MCTP1: variants seen among roughly 807,000 people sequenced by gnomAD.
MCTP1 encodes the protein multiple C2 and transmembrane domain containing 1, also known as multiple C2 and transmembrane domain-containing protein 1.
A neutral mutation model predicts 120.6 loss-of-function variants in MCTP1; 69 were observed. The observed-to-expected ratio is 0.57, with a 90% CI of 0.47 to 0.70. The LOEUF (loss-of-function observed/expected upper bound fraction) is 0.70. Among genes scored for constraint, MCTP1 ranks in the 30% least tolerant of loss-of-function variants. The pLI, the probability that MCTP1 is intolerant of heterozygous loss-of-function variation, is 0.00. For missense variants in MCTP1, 1,203 were observed against 1,248.8 expected, an observed-to-expected ratio of 0.96 and a Z score of 0.55; for synonymous variants, 529 against 493.1, an observed-to-expected ratio of 1.07 and a Z score of -0.96.
At chr5:94,972,383 A>G (rs1827095426) in intron 2 of MCTP1, among the ~76,000 whole-genome samples, 1 of 151,772 alleles carries the variant, frequency 6.6e-6, no homozygotes, top group African/African-American at 2.4e-5. Flanking sequence ...CTTCACTATC[A>G]CTGAATAGAG....
At chr5:95,132,003 C>A (rs1038328814) in intron 1 of MCTP1, among the ~76,000 whole-genome samples, 1 of 152,132 alleles carries the variant, frequency 6.6e-6, no homozygotes, top group Non-Finnish European at 1.5e-5. Flanking sequence ...GTCTTATTAC[C>A]TTATATAGTT....
At chr5:95,054,439 A>G (rs1195425924) in intron 1 of MCTP1, among the ~76,000 whole-genome samples, 1 of 152,262 alleles carries the variant, frequency 6.6e-6, no homozygotes, top group African/African-American at 2.4e-5. Context: ...TGCAGAAGAC[A>G]TAAAAATGGA....
chr5:95,233,068 C>A (rs1469096072), intron 1 of MCTP1, among the ~76,000 whole-genome samples: 1 of 152,126 alleles, frequency 6.6e-6, no homozygotes, highest in East Asian at 1.9e-4. Flanking sequence ...AGACAGAAAT[C>A]CAGTAAAAGT....
intron 1 of MCTP1, among the ~76,000 whole-genome samples, chr5:95,046,581 C>T (rs1582014011): frequency 2.0e-5 from 3 of 152,134 alleles, no homozygotes; most frequent in Non-Finnish European, 4.4e-5. Context: ...ACTTCTACCT[C>T]ACCATTTTCA....
chr5:94,718,211 A>T (rs1370177984), intron 19 of MCTP1, among the ~76,000 whole-genome samples: 1 of 152,212 alleles, frequency 6.6e-6, no homozygotes, highest in Non-Finnish European at 1.5e-5. Context: ...AAGACCGCAC[A>T]TCTACAACCA....
At chr5:94,948,982 A>G (rs1319908810) in intron 3 of MCTP1, among the ~76,000 whole-genome samples, 1 of 152,126 alleles carries the variant, frequency 6.6e-6, no homozygotes, top group Non-Finnish European at 1.5e-5. Flanking sequence ...CTTGGATAGA[A>G]ATGAATTATT....
chr5:94,786,255 C>G (rs746723361), intron 18 of MCTP1, among the ~76,000 whole-genome samples: 2 of 152,148 alleles, frequency 1.3e-5, no homozygotes, highest in South Asian at 2.1e-4. Flanking sequence ...TTTGAGTTTT[C>G]TTTTTCTTTT....
At chr5:94,725,580 A>G (rs1761956990) in intron 19 of MCTP1, among the ~76,000 whole-genome samples, 1 of 152,216 alleles carries the variant, frequency 6.6e-6, no homozygotes, top group Non-Finnish European at 1.5e-5. Context: ...GTGTTTGAAC[A>G]TGGTTGAAAG....
intron 3 of MCTP1, among the ~76,000 whole-genome samples, chr5:94,947,581 G>GAGAGAGAGAGAGAT (rs1819389904): frequency 3.3e-5 from 1 of 30,400 alleles, no homozygotes; most frequent in Non-Finnish European, 6.1e-5. Context: ...TATATATAGA[G>GAGAGAGAGAGAGAT]AGAGAGAGAG....
At chr5:95,096,058 G>A (rs1756243370) in intron 1 of MCTP1, among the ~76,000 whole-genome samples, 1 of 152,208 alleles carries the variant, frequency 6.6e-6, no homozygotes, top group African/African-American at 2.4e-5. Context: ...ATGAAAAAAT[G>A]TGATACTAAT....
chr5:95,020,964 A>G (rs1057024859), intron 1 of MCTP1, among the ~76,000 whole-genome samples: 20 of 152,008 alleles, frequency 1.3e-4, no homozygotes, highest in African/African-American at 4.6e-4. Flanking sequence ...TTAAATTCTA[A>G]TATTTGTTAG....
intron 17 of MCTP1, among the ~76,000 whole-genome samples, chr5:94,837,303 C>T (rs536992627): frequency 5.5e-4 from 83 of 152,208 alleles, no homozygotes; most frequent in African/African-American, 1.6e-3. Context: ...ATCACTTGAG[C>T]CCAGGAGATT....
At chr5:95,256,853 C>T (rs761746680) in intron 1 of MCTP1, among the ~76,000 whole-genome samples, 1 of 152,192 alleles carries the variant, frequency 6.6e-6, no homozygotes, top group Non-Finnish European at 1.5e-5. Flanking sequence ...GACTTTTCAT[C>T]AGGATGCCCT....
chr5:95,125,166 T>C (rs1309722270), intron 1 of MCTP1, among the ~76,000 whole-genome samples: 1 of 152,202 alleles, frequency 6.6e-6, no homozygotes, highest in Non-Finnish European at 1.5e-5. Flanking sequence ...AGAAAGTTAG[T>C]CCATTGTGCA....
intron 3 of MCTP1, among the ~76,000 whole-genome samples, chr5:94,946,354 A>G (rs1257877848): frequency 1.3e-5 from 2 of 152,116 alleles, no homozygotes; most frequent in Non-Finnish European, 2.9e-5. Flanking sequence ...ATGCCTATTT[A>G]TTGGCCAAAG....
intron 1 of MCTP1, among the ~76,000 whole-genome samples, chr5:95,026,856 T>C (rs1490659073): frequency 1.3e-5 from 2 of 152,192 alleles, no homozygotes; most frequent in African/African-American, 4.8e-5. Context: ...GTGACAGATA[T>C]TCAATTTTCG....
chr5:95,216,600 T>C (rs1753062301), intron 1 of MCTP1, among the ~76,000 whole-genome samples: 1 of 152,162 alleles, frequency 6.6e-6, no homozygotes, highest in Non-Finnish European at 1.5e-5. Context: ...TCCCACCAGA[T>C]GTCAAAGGTG....
chr5:95,283,835 G>T (rs1276074184), intron 1 of MCTP1, 21 bp downstream of exon 1: 2 of 1,186,868 alleles, frequency 1.7e-6, no homozygotes, highest in Admixed American at 2.0e-4. Context: ...CCTTGTCTCC[G>T]GCCGCGCCAC....
chr5:95,275,438 T>C (rs541575891), intron 1 of MCTP1, among the ~76,000 whole-genome samples: 2 of 152,288 alleles, frequency 1.3e-5, no homozygotes, highest in East Asian at 3.9e-4. Flanking sequence ...CACCAAACCC[T>C]CTTGGCTCCT....
Sources: gnomAD v4.1 joint callset for allele counts (sites outside exome capture counted in the v4.1 genomes callset) on GRCh38, gnomAD v4.1.1 for gene constraint, MANE v1.5 for transcripts, NCBI Gene and HGNC (gene_info 2026-07-23, HGNC 2026-07-21) for gene names.